Variants in ZMYM4 observed in about 807,000 individuals in gnomAD.
The protein encoded by ZMYM4 is zinc finger MYM-type containing 4.
ZMYM4 carries 31 observed loss-of-function variants against 183.2 expected under a neutral mutation model. The observed-to-expected ratio is 0.17, with a 90% CI of 0.13 to 0.23. ZMYM4 has a LOEUF of 0.23. Ranked by LOEUF, ZMYM4 falls within the 10% of genes least tolerant of loss-of-function variation. ZMYM4 has a pLI of 1.00. For missense variants in ZMYM4, 1,273 were observed against 1,840.3 expected (o/e 0.69, Z 5.64); for synonymous variants, 592 against 631.2 (o/e 0.94, Z 0.93).
intron 2 of ZMYM4, among the ~76,000 whole-genome samples, chr1:35,349,657 G>A (rs1276938790): frequency 2.7e-5 from 4 of 150,162 alleles, no homozygotes; most frequent in African/African-American, 5.0e-5. Flanking sequence ...GTGAAACCTC[G>A]TCTCTACTAA....
intron 2 of ZMYM4, among the ~76,000 whole-genome samples, chr1:35,357,542 C>T (rs1199057836): frequency 2.0e-5 from 3 of 151,992 alleles, no homozygotes; most frequent in Non-Finnish European, 4.4e-5. Flanking sequence ...CAGGAGGAGA[C>T]GTGGAGTATT....
At chr1:35,410,460 T>A (rs893783642) in intron 26 of ZMYM4, among the ~76,000 whole-genome samples, 31 of 151,158 alleles carry the variant, frequency 2.1e-4, no homozygotes, top group African/African-American at 6.8e-4. Context: ...AAATATATAT[T>A]TATTTATTTA....
At chr1:35,411,775 T>G (rs1305240457) in intron 26 of ZMYM4, among the ~76,000 whole-genome samples, 2 of 152,252 alleles carry the variant, frequency 1.3e-5, no homozygotes, top group Non-Finnish European at 2.9e-5. Context: ...ATTTTTGCTT[T>G]CAGCAGTTTT....
intron 7 of ZMYM4, 139 bp from the exon 8 acceptor site, chr1:35,381,120 A>G: frequency 1.5e-6 from 1 of 674,204 alleles, no homozygotes; most frequent in Admixed American, 3.6e-5. Context: ...CTCCCAGAAA[A>G]TTAAAGTTTT....
intron 1 of ZMYM4, among the ~76,000 whole-genome samples, chr1:35,311,265 C>CA (rs900879678): frequency 1.3e-4 from 19 of 151,550 alleles, no homozygotes; most frequent in African/African-American, 4.6e-4. Flanking sequence ...ACTAAAAACA[C>CA]AAAAAAATTA....
At chr1:35,384,812 A>G (rs780673962) in intron 9 of ZMYM4, among the ~76,000 whole-genome samples, 4 of 150,958 alleles carry the variant, frequency 2.6e-5, no homozygotes, top group African/African-American at 7.3e-5. Context: ...TTACTAGGTT[A>G]TAACCAGCAT....
intron 7 of ZMYM4, among the ~76,000 whole-genome samples, chr1:35,373,544 ATT>A (rs202022428): frequency 4.1e-5 from 5 of 122,816 alleles, no homozygotes; most frequent in Admixed American, 8.8e-5. Context: ...TGCACAGCTA[ATT>A]TTTTTTTTTT....
At chr1:35,366,637 A>G (rs945497301) in intron 5 of ZMYM4, among the ~76,000 whole-genome samples, 1 of 152,226 alleles carries the variant, frequency 6.6e-6, no homozygotes, top group Non-Finnish European at 1.5e-5. Flanking sequence ...ACTAAAAAGT[A>G]CTTATATCAA....
chr1:35,354,008 A>T (rs1335177946), intron 2 of ZMYM4, among the ~76,000 whole-genome samples: 2 of 151,972 alleles, frequency 1.3e-5, no homozygotes, highest in African/African-American at 2.4e-5. Flanking sequence ...AATTAGCTGG[A>T]TGTGGTGACA....
At position 35,359,184 on chromosome 1, in the gene ZMYM4, A is replaced by G; in HGVS notation, c.345A>G (p.Arg115=). The G allele has an allele frequency of 1.9e-6, 3 of 1,613,622 alleles. No individual in the cohort carries two copies. Among genetic ancestry groups the G allele is most frequent in the Non-Finnish European group, 2.5e-6 (3 of 1,179,680 alleles). The change falls in exon 3 of 30, where the codon AGA becomes AGG. Residue 115 remains arginine, a synonymous_variant. Coordinates refer to ENST00000314607, the MANE Select transcript of ZMYM4 (RefSeq NM_005095.3). ...CTGATGATAGCTTGGAAGTAGAGAGAAGAGTCACACAGCATGAATCAGACA... is the reference window on the plus strand; with the variant it reads ...CTGATGATAGCTTGGAAGTAGAGAGGAGAGTCACACAGCATGAATCAGACA... ...IHTDDSLEVE[R]RVTQHESDNE...
At chr1:35,415,253 C>T (rs554383984) in intron 27 of ZMYM4, among the ~76,000 whole-genome samples, 16 of 152,156 alleles carry the variant, frequency 1.1e-4, no homozygotes, top group Non-Finnish European at 1.9e-4. Context: ...TAGATTAAAA[C>T]GGTTTCAGGA....
chr1:35,384,277 C>T (rs1644525640), intron 9 of ZMYM4, among the ~76,000 whole-genome samples: 1 of 152,134 alleles, frequency 6.6e-6, no homozygotes, highest in Admixed American at 6.5e-5. Context: ...TTTTACAGTC[C>T]TCATTAGGGA....
chr1:35,332,716 A>T (rs1004358847), intron 2 of ZMYM4, among the ~76,000 whole-genome samples: 1 of 152,074 alleles, frequency 6.6e-6, no homozygotes, highest in Admixed American at 6.6e-5. Context: ...ATTTTTCTCC[A>T]GACAGGCTCT....
intron 1 of ZMYM4, among the ~76,000 whole-genome samples, chr1:35,306,886 C>G (rs11264134): frequency 0.032 from 4,925 of 152,274 alleles, 252 homozygotes; most frequent in East Asian, 0.24. Context: ...TTCTTCTTCC[C>G]CTTGATACCA....
intron 1 of ZMYM4, among the ~76,000 whole-genome samples, chr1:35,300,412 A>G (rs1387060734): frequency 6.6e-6 from 1 of 152,224 alleles, no homozygotes; most frequent in Non-Finnish European, 1.5e-5. Context: ...GTTTATTTCA[A>G]ACTTCTGCAC....
At chr1:35,407,428 CAAAAA>C (rs548295593) in intron 25 of ZMYM4, among the ~76,000 whole-genome samples, 1 of 77,540 alleles carries the variant, frequency 1.3e-5, no homozygotes, top group Non-Finnish European at 2.8e-5. Flanking sequence ...AATTCCATCT[CAAAAA>C]AAAAAAAAAA....
intron 1 of ZMYM4, among the ~76,000 whole-genome samples, chr1:35,291,058 T>C (rs1640736469): frequency 6.6e-6 from 1 of 152,232 alleles, no homozygotes; most frequent in South Asian, 2.1e-4. Context: ...CATATAGTGG[T>C]AAAATTAGCA....
chr1:35,275,843 A>C (rs1208261500), intron 1 of ZMYM4, among the ~76,000 whole-genome samples: 2 of 152,220 alleles, frequency 1.3e-5, no homozygotes, highest in African/African-American at 4.8e-5. Flanking sequence ...GGTTTTTCAA[A>C]GTCAGTTTAT....
chr1:35,309,085 C>T (rs1391919728), intron 1 of ZMYM4: 1 of 976,618 alleles, frequency 1.0e-6, no homozygotes, highest in Non-Finnish European at 1.2e-6. Context: ...TTCTATAGCA[C>T]AGTTGCCTTC....
Sources: allele counts gnomAD v4.1 joint callset (sites outside exome capture counted in the v4.1 genomes callset), GRCh38; gene constraint gnomAD v4.1.1; transcripts MANE v1.5; gene names NCBI Gene and HGNC (gene_info 2026-07-23, HGNC 2026-07-21).